The following ELP4 variants were observed in gnomAD, a reference collection of about 807,000 sequenced individuals.
ELP4 encodes elongator acetyltransferase complex subunit 4.
Under a neutral mutation model 48.9 loss-of-function variants are expected in ELP4, and 51 were observed. The ratio of observed to expected loss-of-function variants is 1.04; its 90% CI spans 0.83 to 1.32. The LOEUF (loss-of-function observed/expected upper bound fraction) is 1.32. Ranked by LOEUF, ELP4 falls within the 40% of genes most tolerant of loss-of-function variation. The probability of loss-of-function intolerance (pLI) is 0.00; values close to 1 mark genes in which losing one functional copy is unlikely to be tolerated. For missense variants in ELP4, 519 were observed against 514.6 expected, an observed-to-expected ratio of 1.01 and a Z score of -0.08; for synonymous variants, 210 against 189.2, an observed-to-expected ratio of 1.11 and a Z score of -0.90.
intron 2 of ELP4, among the ~76,000 whole-genome samples, chr11:31,526,594 GA>G (rs1332201954): frequency 1.3e-5 from 2 of 151,354 alleles, no homozygotes; most frequent in Non-Finnish European, 3.0e-5. Context: ...ATGTCACACA[GA>G]AAAAAAATAC....
chr11:31,592,829 A>T (rs1284067308), intron 3 of ELP4, among the ~76,000 whole-genome samples: 1 of 152,112 alleles, frequency 6.6e-6, no homozygotes, highest in Non-Finnish European at 1.5e-5. Flanking sequence ...TAGATAAGTT[A>T]AACATATTAA....
Position 31,534,150 on chromosome 11 carries a change from A to G in ELP4, c.260-5512A>G, listed in dbSNP as rs993931204. On this transcript the variant is annotated intron_variant, in intron 2 of 9. Transcript: ENST00000640961. Reference sequence around the variant, plus strand: ...GGTACCCGGCCAGTTAAGAGTTGTTAGTAGTATGACTCGTGGAATGACATT... The same window carrying G: ...GGTACCCGGCCAGTTAAGAGTTGTTGGTAGTATGACTCGTGGAATGACATT... 6.6e-5 allele frequency among the ~76,000 whole-genome samples: 10 copies of G among 152,218 alleles called. No individual in the cohort carries two copies. The East Asian group carries it at 1.7e-3, about 27-fold the overall frequency.
intron 3 of ELP4, among the ~76,000 whole-genome samples, chr11:31,560,010 A>G (rs568802585): frequency 1.6e-3 from 237 of 152,120 alleles, no homozygotes; most frequent in African/African-American, 4.7e-3. Flanking sequence ...ATGATATCCA[A>G]TCTTATTAGT....
intron 5 of ELP4, among the ~76,000 whole-genome samples, chr11:31,623,401 A>G: frequency 7.0e-6 from 1 of 143,822 alleles, no homozygotes; most frequent in Non-Finnish European, 1.5e-5. Flanking sequence ...AAAACTAGAA[A>G]CATTGCTGGC....
intron 3 of ELP4, among the ~76,000 whole-genome samples, chr11:31,540,457 C>T (rs981252695): frequency 3.9e-5 from 6 of 152,124 alleles, no homozygotes; most frequent in African/African-American, 1.4e-4. Flanking sequence ...ACAGTATTTG[C>T]CATTTTTACT....
chr11:31,511,050 G>C (rs1327080266), intron 1 of ELP4: 2 of 152,140 alleles, frequency 1.3e-5, no homozygotes, highest in Non-Finnish European at 2.9e-5. Flanking sequence ...CATAGGTTTA[G>C]TGCAGAGAAA....
chr11:31,750,505 CAG>C lies in ELP4; in HGVS notation c.1144-32885_1144-32884del, dbSNP rs1164654154. Among the ~76,000 whole-genome samples, 4 of 152,266 alleles carry C rather than the reference CAG, an allele frequency of 2.6e-5. No homozygotes were observed. In the East Asian group the frequency reaches 7.7e-4, roughly 29 times the overall value. ...TACCTGGGATGCAGTCAAAGGTTGT[CAG>C]AGTCCTTGATTGTCTTGCCTGAAGT... On this transcript the variant is annotated intron_variant, in intron 9 of 9. Coordinates refer to ENST00000640961, the MANE Select transcript of ELP4 (RefSeq NM_019040.5).
chr11:31,683,084 C>A (rs1946088551), intron 9 of ELP4, among the ~76,000 whole-genome samples: 1 of 152,092 alleles, frequency 6.6e-6, no homozygotes. Flanking sequence ...TCCCTCTCCT[C>A]CCCACAAAGC....
chr11:31,538,014 G>A (rs1386651795), intron 2 of ELP4, among the ~76,000 whole-genome samples: 1 of 151,926 alleles, frequency 6.6e-6, no homozygotes, highest in East Asian at 1.9e-4. Context: ...CATTTATTTA[G>A]GTCTTCTATA....
chr11:31,521,470 A>G (rs1956213064), intron 2 of ELP4, among the ~76,000 whole-genome samples: 7 of 151,900 alleles, frequency 4.6e-5, no homozygotes, highest in Admixed American at 3.3e-4. Context: ...TTTTGTAACT[A>G]TGCTCTAAAG....
At chr11:31,637,686 G>A (rs185625361) in intron 7 of ELP4, among the ~76,000 whole-genome samples, 65 of 152,028 alleles carry the variant, frequency 4.3e-4, no homozygotes, top group African/African-American at 1.5e-3. Flanking sequence ...TATCTAGCAA[G>A]ATATGAAACA....
At chr11:31,518,298 G>A (rs914817872) in intron 1 of ELP4, among the ~76,000 whole-genome samples, 6 of 151,302 alleles carry the variant, frequency 4.0e-5, no homozygotes, top group African/African-American at 9.7e-5. Flanking sequence ...TAGAGACGGC[G>A]TTTCACTATG....
rs1949018611 is a variant in ELP4 at position 31,789,174 on chromosome 11, A to G, written c.*5650A>G. On this transcript the variant is annotated 3_prime_UTR_variant, in exon 10 of 10. Coordinates refer to ENST00000640961, the MANE Select transcript of ELP4 (RefSeq NM_019040.5). ...AACGTATGATTGCATGAAAATGTGT[A>G]TAAAACATCTATATTCTTGTCAAAT... 4.9e-6 allele frequency: 1 copy of G among 205,884 alleles called. No homozygotes were observed. The highest frequency in any genetic ancestry group is 1.9e-4 in the South Asian group (1 of 5,318). 12.8% of individuals were successfully genotyped at this position (205,884 alleles called of 1,614,324 possible). A position where few individuals can be genotyped will look rare whatever the true frequency, so the allele number is the denominator to read the frequency against.
intron 9 of ELP4, among the ~76,000 whole-genome samples, chr11:31,736,817 T>TCAGGAAATAA (rs1947329008): frequency 6.6e-6 from 1 of 151,078 alleles, no homozygotes; most frequent in Admixed American, 6.6e-5. Context: ...CATTAAAAAG[T>TCAGGAAATAA]CAGGTGCTGG....
intron 9 of ELP4, among the ~76,000 whole-genome samples, chr11:31,752,445 G>T (rs770344353): frequency 1.3e-5 from 2 of 152,086 alleles, no homozygotes; most frequent in African/African-American, 2.4e-5. Context: ...CTAAAGTCAG[G>T]AGTAAGAATG....
intron 3 of ELP4, among the ~76,000 whole-genome samples, chr11:31,571,334 G>A (rs768966019): frequency 3.9e-5 from 6 of 152,072 alleles, no homozygotes; most frequent in Non-Finnish European, 7.4e-5. Context: ...TACCAACTCC[G>A]TATCAATTAA....
chr11:31,550,989 G>A (rs963655295), intron 3 of ELP4, among the ~76,000 whole-genome samples: 2 of 152,120 alleles, frequency 1.3e-5, no homozygotes, highest in African/African-American at 2.4e-5. Context: ...TGGTAAAACC[G>A]TGTTTCATTG....
At chr11:31,527,850 A>G (rs1040134464) in intron 2 of ELP4, among the ~76,000 whole-genome samples, 5 of 152,060 alleles carry the variant, frequency 3.3e-5, no homozygotes, top group African/African-American at 1.2e-4. Context: ...ACTTCTGACT[A>G]TAAGGCCTTT....
intron 3 of ELP4, among the ~76,000 whole-genome samples, chr11:31,579,686 C>CA (rs1425782990): frequency 2.7e-5 from 4 of 149,652 alleles, no homozygotes; most frequent in Non-Finnish European, 5.9e-5. Context: ...ATCGCAAGGA[C>CA]AAAAAACCAA....
Sources: allele counts gnomAD v4.1 joint callset (sites outside exome capture counted in the v4.1 genomes callset), GRCh38; gene constraint gnomAD v4.1.1; transcripts MANE v1.5; gene names NCBI Gene and HGNC (gene_info 2026-07-23, HGNC 2026-07-21).